Variants in FAM168A observed in about 807,000 individuals in gnomAD.
The protein encoded by FAM168A is family with sequence similarity 168 member A, also known as protein FAM168A.
A neutral mutation model predicts 28.5 loss-of-function variants in FAM168A; 3 were observed. The ratio of observed to expected loss-of-function variants is 0.11; its 90% confidence interval spans 0.05 to 0.27. FAM168A has a LOEUF of 0.27. Among genes scored for constraint, FAM168A ranks in the 10% least tolerant of loss-of-function variants. FAM168A has a pLI of 1.00. For synonymous variants in FAM168A, 122 were observed against 124.2 expected (o/e 0.98, Z 0.12); for missense variants, 222 against 311.5 (o/e 0.71, Z 2.16).
At chr11:73,514,090 C>A (rs1855282091) in intron 1 of FAM168A, among the ~76,000 whole-genome samples, 1 of 151,986 alleles carries the variant, frequency 6.6e-6, no homozygotes, top group African/African-American at 2.4e-5. Flanking sequence ...GAGGCTGAGG[C>A]TGCAGTGAGC....
chr11:73,474,286 G>A (rs1565261678), intron 1 of FAM168A, among the ~76,000 whole-genome samples: 1 of 151,998 alleles, frequency 6.6e-6, no homozygotes, highest in African/African-American at 2.4e-5. Flanking sequence ...CCCATGGAAG[G>A]GCAAGAGAGA....
intron 2 of FAM168A, among the ~76,000 whole-genome samples, chr11:73,463,743 G>A (rs563732854): frequency 2.2e-4 from 33 of 152,278 alleles, no homozygotes; most frequent in African/African-American, 7.9e-4. Context: ...TATGGTCAAT[G>A]AAAATTATGG....
At chr11:73,470,240 G>A (rs750884550) in intron 1 of FAM168A, among the ~76,000 whole-genome samples, 15 of 152,146 alleles carry the variant, frequency 9.9e-5, no homozygotes, top group Non-Finnish European at 2.1e-4. Context: ...GTTGCAAACT[G>A]TCAAGTGACA....
chr11:73,490,826 T>C (rs1868117592), intron 1 of FAM168A, among the ~76,000 whole-genome samples: 1 of 152,220 alleles, frequency 6.6e-6, no homozygotes, highest in Non-Finnish European at 1.5e-5. Flanking sequence ...ATTTTTTATC[T>C]TGTTGTATGT....
At chr11:73,453,408 C>T (rs2134550421) in intron 2 of FAM168A, among the ~76,000 whole-genome samples, 1 of 152,242 alleles carries the variant, frequency 6.6e-6, no homozygotes, top group African/African-American at 2.4e-5. Flanking sequence ...ACCCTAAATG[C>T]CAAGGAGTTC....
intron 1 of FAM168A, among the ~76,000 whole-genome samples, chr11:73,512,259 A>G (rs79835268): frequency 6.6e-6 from 1 of 152,216 alleles, no homozygotes; most frequent in African/African-American, 2.4e-5. Context: ...TATCACGCTT[A>G]TAACTACCTG....
At chr11:73,440,752 G>C (rs1867180032) in intron 2 of FAM168A, among the ~76,000 whole-genome samples, 1 of 152,162 alleles carries the variant, frequency 6.6e-6, no homozygotes, top group African/African-American at 2.4e-5. Flanking sequence ...AACCACAAAA[G>C]GGTGAAAAAA....
chr11:73,444,763 G>A (rs1452681140), intron 2 of FAM168A, among the ~76,000 whole-genome samples: 1 of 152,136 alleles, frequency 6.6e-6, no homozygotes, highest in Non-Finnish European at 1.5e-5. Flanking sequence ...AGTAAATTAA[G>A]GTGAGTTATA....
At chr11:73,514,572 T>G (rs1337836269) in intron 1 of FAM168A, among the ~76,000 whole-genome samples, 1 of 152,112 alleles carries the variant, frequency 6.6e-6, no homozygotes, top group Admixed American at 6.6e-5. Context: ...GTGGCTCACA[T>G]CTGTAATCCC....
intron 1 of FAM168A, among the ~76,000 whole-genome samples, chr11:73,588,673 G>A (rs568611788): frequency 5.3e-5 from 8 of 152,260 alleles, no homozygotes; most frequent in Admixed American, 3.3e-4. Context: ...GCACTCCAGT[G>A]TGAAACCCGG....
intron 1 of FAM168A, among the ~76,000 whole-genome samples, chr11:73,542,902 T>TCTC (rs969601063): frequency 1.3e-5 from 2 of 152,108 alleles, no homozygotes; most frequent in African/African-American, 2.4e-5. Flanking sequence ...ACGGGAAAAT[T>TCTC]CTCCTCTTCT....
rs756541531 is a variant in FAM168A, at chr11:73,557,697, A to C, written c.-19+40226T>G. Among the ~76,000 whole-genome samples the C allele has an allele frequency of 8.5e-4, 130 of 152,220 alleles. 3 individuals carry two copies. Among genetic ancestry groups the C allele is most frequent in the Non-Finnish European group, 2.4e-4 (16 of 68,034 alleles). On this transcript the variant is annotated intron_variant, in intron 1 of 7. Coordinates refer to ENST00000356467, the MANE Select transcript of FAM168A (RefSeq NM_015159.3). Reference sequence around the variant, plus strand: ...TATTCACATGGAATTGCAAGAGGCCACAAACAGCAAAAATAATCTTGAAAA... The same window carrying C: ...TATTCACATGGAATTGCAAGAGGCCCCAAACAGCAAAAATAATCTTGAAAA...
intron 4 of FAM168A, among the ~76,000 whole-genome samples, chr11:73,419,494 T>C (rs549419073): frequency 1.3e-5 from 2 of 152,190 alleles, no homozygotes; most frequent in African/African-American, 4.8e-5. Flanking sequence ...TTGGCCTAGA[T>C]GTCAATAGTG....
At chr11:73,488,128 G>T (rs7124328) in intron 1 of FAM168A, among the ~76,000 whole-genome samples, 151,379 of 151,382 alleles carry the variant, frequency 1, 75,688 homozygotes, top group Middle Eastern at 1. Context: ...TTCATGTGGG[G>T]CCTTTTTTTT....
chr11:73,416,956 T>A (rs1019305983), intron 4 of FAM168A, among the ~76,000 whole-genome samples: 1 of 149,480 alleles, frequency 6.7e-6, no homozygotes, highest in Non-Finnish European at 1.5e-5. Context: ...AAAAAAAAGG[T>A]GGGGGTGGGT....
chr11:73,463,984 A>G (rs1368039727), intron 2 of FAM168A, among the ~76,000 whole-genome samples: 2 of 152,174 alleles, frequency 1.3e-5, no homozygotes, highest in African/African-American at 4.8e-5. Context: ...GGGAGTTGTG[A>G]GAACAGTTTC....
intron 1 of FAM168A, among the ~76,000 whole-genome samples, chr11:73,480,318 C>T (rs1867949888): frequency 6.6e-6 from 1 of 152,094 alleles, no homozygotes; most frequent in South Asian, 2.1e-4. Context: ...AAGAAAATGG[C>T]TTTTTAGCTA....
At chr11:73,458,501 T>A (rs1267536901) in intron 2 of FAM168A, among the ~76,000 whole-genome samples, 1 of 152,252 alleles carries the variant, frequency 6.6e-6, no homozygotes, top group African/African-American at 2.4e-5. Flanking sequence ...ACTGCTTATA[T>A]GGACTACAAA....
At chr11:73,595,350 T>TA (rs547128687) in intron 1 of FAM168A, among the ~76,000 whole-genome samples, 1,557 of 148,314 alleles carry the variant, frequency 0.01, 27 homozygotes, top group African/African-American at 0.037. Flanking sequence ...ATTTTGGAGC[T>TA]AAAAAAAAAA....
Sources: allele counts gnomAD v4.1 joint callset (sites outside exome capture counted in the v4.1 genomes callset), GRCh38; gene constraint gnomAD v4.1.1; transcripts MANE v1.5; gene names NCBI Gene and HGNC (gene_info 2026-07-23, HGNC 2026-07-21).